RPAP3: variants seen among roughly 807,000 people sequenced by gnomAD.
RPAP3 encodes the protein RNA polymerase II associated protein 3, also known as RNA polymerase II-associated protein 3.
RPAP3 carries 58 observed loss-of-function variants against 88.8 expected under a neutral mutation model. The observed-to-expected ratio is 0.65, with a 90% CI of 0.53 to 0.81. The LOEUF is 0.81. Among genes scored for constraint, RPAP3 ranks in the 40% least tolerant of loss-of-function variants. RPAP3 has a pLI of 0.00. For missense variants in RPAP3, 751 were observed against 764.3 expected (o/e 0.98, Z 0.20); for synonymous variants, 255 against 259.9 (o/e 0.98, Z 0.18).
chr12:47,697,564 C>A (rs544055055), intron 4 of RPAP3, 33 bp downstream of exon 4: 1 of 1,570,594 alleles, frequency 6.4e-7, no homozygotes, highest in Admixed American at 2.0e-5. Context: ...CTCCTGCTTA[C>A]ATGAAAAAAA....
At chr12:47,685,361 A>G (rs57671593) in intron 9 of RPAP3, among the ~76,000 whole-genome samples, 6,342 of 147,282 alleles carry the variant, frequency 0.043, 443 homozygotes, top group African/African-American at 0.14. Context: ...CCTGGGTGAC[A>G]GAGGGGGACT....
intron 9 of RPAP3, 21 bp downstream of exon 9, chr12:47,686,759 T>C (rs770649297): frequency 1.3e-6 from 2 of 1,495,064 alleles, no homozygotes; most frequent in East Asian, 4.9e-5. Context: ...TGAACAGCAC[T>C]AAAATGTAAC....
intron 3 of RPAP3, among the ~76,000 whole-genome samples, chr12:47,700,981 T>C (rs1212455572): frequency 6.6e-6 from 1 of 152,180 alleles, no homozygotes; most frequent in African/African-American, 2.4e-5. Context: ...TATAAAGGGA[T>C]GGCACAAAGG....
At position 47,662,168 on chromosome 12, in the gene RPAP3, C is replaced by A. The variant is rs531165593; in HGVS notation, c.*1337G>T. ...AATCACTTCCCAAAGGCCCCACCTCCGAAGACCATCGCCTTCAGGGTTAGG... is the reference window on the plus strand; with the variant it reads ...AATCACTTCCCAAAGGCCCCACCTCAGAAGACCATCGCCTTCAGGGTTAGG... On this transcript the variant is annotated 3_prime_UTR_variant, in exon 17 of 17. Transcript: ENST00000005386. 6.6e-6 allele frequency: 1 copy of A among 152,134 alleles called. No homozygotes were observed. Among genetic ancestry groups the A allele is most frequent in the East Asian group, 1.9e-4 (1 of 5,204 alleles). 9.4% of individuals were successfully genotyped at this position (152,134 alleles called of 1,614,324 possible). A position where few individuals can be genotyped will look rare whatever the true frequency, so the allele number is the denominator to read the frequency against.
intron 6 of RPAP3, 54 bp downstream of exon 6, chr12:47,690,464 G>C: frequency 6.9e-7 from 1 of 1,446,822 alleles, no homozygotes; most frequent in Non-Finnish European, 9.3e-7. Flanking sequence ...TCTCCATATA[G>C]CATCTGTGAG....
intron 3 of RPAP3, among the ~76,000 whole-genome samples, chr12:47,699,040 G>C (rs985337970): frequency 5.3e-5 from 8 of 152,142 alleles, no homozygotes; most frequent in African/African-American, 7.2e-5. Flanking sequence ...ATTGCTGCCA[G>C]GATTATCCAA....
chr12:47,665,553 G>C (rs988821346), intron 16 of RPAP3, among the ~76,000 whole-genome samples: 1 of 150,834 alleles, frequency 6.6e-6, no homozygotes, highest in East Asian at 1.9e-4. Flanking sequence ...AACATTTCTG[G>C]TTAACTAAAG....
At chr12:47,705,024 T>G (rs1284945359) in intron 1 of RPAP3, among the ~76,000 whole-genome samples, 4 of 151,448 alleles carry the variant, frequency 2.6e-5, no homozygotes, top group African/African-American at 4.9e-5. Context: ...GTTACGTAAA[T>G]GAGATTATAT....
Position 47,697,655 on chromosome 12 carries a change from T to G in RPAP3, c.359A>C (p.Glu120Ala). 1 of 1,611,092 alleles carries G rather than the reference T, an allele frequency of 6.2e-7. No individual in the cohort carries two copies. Among genetic ancestry groups the G allele is most frequent in the Non-Finnish European group, 8.5e-7 (1 of 1,178,514 alleles). The change falls in exon 4 of 17, where the codon GAG becomes GCG. Residue 120 changes from glutamate (E) to alanine (A), a missense_variant. Transcript: ENST00000005386. ...STHESLSQES[E>A]SEEDGIHVDS... The stretch of plus-strand genomic sequence containing the variant: ...TACATGAATCCCATCTTCTTCCGAC[T>G]CTGATTCTTGAGACAGAGACTCATG...
rs932878283 is a variant in RPAP3 at position 47,686,966 on chromosome 12, A to T, written c.865-59T>A. 1.1e-5 allele frequency: 12 copies of T among 1,084,752 alleles called. No individual in the cohort carries two copies. In the Admixed American group the frequency reaches 1.5e-4, roughly 14 times the overall value. The allele number at this position is 1,084,752 out of a possible 1,614,324, so 67.2% of individuals were successfully genotyped here. A position where few individuals can be genotyped will look rare whatever the true frequency, so the allele number is the denominator to read the frequency against. On this transcript the variant is annotated intron_variant, in intron 8 of 16. Coordinates refer to ENST00000005386, the MANE Select transcript of RPAP3 (RefSeq NM_024604.3). The stretch of plus-strand genomic sequence containing the variant: ...AAAAAATTTCAAAAAAAATAAATGA[A>T]TTCAAATCTTATGAAACACTGCAAG...
chr12:47,681,668 CTG>C (rs1229356720), intron 10 of RPAP3, 26 bp downstream of exon 10: 1 of 1,606,246 alleles, frequency 6.2e-7, no homozygotes, highest in African/African-American at 1.3e-5. Flanking sequence ...ATCAGGATGA[CTG>C]AGTGCCAGCT....
At chr12:47,679,451 C>G (rs763733510) in intron 12 of RPAP3, 42 bp downstream of exon 12, 1 of 1,300,682 alleles carries the variant, frequency 7.7e-7, no homozygotes, top group Non-Finnish European at 1.1e-6. Flanking sequence ...CCTATTACAA[C>G]ATATTTAAAT....
chr12:47,681,528 T>C (rs1240905394), intron 10 of RPAP3, among the ~76,000 whole-genome samples, 168 bp downstream of exon 10: 4 of 152,230 alleles, frequency 2.6e-5, no homozygotes, highest in Non-Finnish European at 5.9e-5. Flanking sequence ...ATCTGGTACA[T>C]TGCGGAAGCT....
At chr12:47,689,487 C>T (rs1939386782) in intron 6 of RPAP3, among the ~76,000 whole-genome samples, 1 of 152,134 alleles carries the variant, frequency 6.6e-6, no homozygotes, top group South Asian at 2.1e-4. Flanking sequence ...TACAAGCACA[C>T]GCCAACAAGT....
intron 12 of RPAP3, among the ~76,000 whole-genome samples, chr12:47,678,845 T>C (rs938302261): frequency 2.0e-5 from 3 of 152,220 alleles, no homozygotes; most frequent in Non-Finnish European, 4.4e-5. Context: ...GTGTGGCGAT[T>C]CCTCAAGGAT....
At position 47,667,806 on chromosome 12, in the gene RPAP3, C is replaced by G. The variant is rs558162340; in HGVS notation, c.1759G>C (p.Asp587His). The change falls in exon 15 of 17, where the codon GAT (aspartate) becomes CAT (histidine). Residue 587 changes from aspartate to histidine, a missense_variant. Coordinates refer to ENST00000005386, the MANE Select transcript of RPAP3 (RefSeq NM_024604.3). ...LYPKLFQKNLDPDVFNQIVKI... is the reference protein window; with the variant it reads ...LYPKLFQKNLHPDVFNQIVKI... ...ACGATCTGGTTGAATACATCTGGAT[C>G]CAGATTTTTCTGAAACAACTTAGGA... is the stretch of plus-strand genomic sequence containing the variant. 7 of 1,606,922 alleles carry G rather than the reference C, an allele frequency of 4.4e-6. No homozygotes were observed. In the Admixed American group the frequency reaches 1.0e-4, roughly 23 times the overall value.
intron 2 of RPAP3, among the ~76,000 whole-genome samples, chr12:47,701,809 T>C (rs970293312): frequency 6.6e-6 from 1 of 152,226 alleles, no homozygotes; most frequent in Non-Finnish European, 1.5e-5. Context: ...TGAACATTGT[T>C]CAATCACAAG....
chr12:47,705,742 C>A (rs936676977), intron 1 of RPAP3, among the ~76,000 whole-genome samples: 1 of 152,206 alleles, frequency 6.6e-6, no homozygotes, highest in Non-Finnish European at 1.5e-5. Context: ...AGCGCGCAGG[C>A]CCGGGTTGCG....
chr12:47,695,587 T>C (rs900128161), intron 5 of RPAP3, among the ~76,000 whole-genome samples: 1 of 152,182 alleles, frequency 6.6e-6, no homozygotes, highest in Non-Finnish European at 1.5e-5. Context: ...CTGTAATTTA[T>C]GTATATGCTA....
Sources: allele counts gnomAD v4.1 joint callset (sites outside exome capture counted in the v4.1 genomes callset), GRCh38; gene constraint gnomAD v4.1.1; transcripts MANE v1.5; gene names NCBI Gene and HGNC (gene_info 2026-07-23, HGNC 2026-07-21).